Variants in PRAG1 observed in about 807,000 individuals in gnomAD.
PRAG1 encodes PEAK1 related, kinase-activating pseudokinase 1.
PRAG1 carries 110 observed loss-of-function variants against 95.6 expected under a neutral mutation model. The observed-to-expected ratio is 1.15, with a 90% CI of 0.99 to 1.35. The LOEUF is 1.35. Ranked by LOEUF, PRAG1 falls within the 40% of genes most tolerant of loss-of-function variation. The pLI is 0.00. For missense variants in PRAG1, 2,554 were observed against 1,864.7 expected (o/e 1.37, Z -6.81); for synonymous variants, 1,052 against 819.4 (o/e 1.28, Z -4.85).
At chr8:8,351,140 C>T (rs551743151) in intron 3 of PRAG1, among the ~76,000 whole-genome samples, 9 of 152,148 alleles carry the variant, frequency 5.9e-5, no homozygotes, top group South Asian at 2.1e-4. Flanking sequence ...AAGATGTTGG[C>T]GTATGGTGGG....
At chr8:8,372,703 G>C (rs1800250129) in intron 3 of PRAG1, among the ~76,000 whole-genome samples, 1 of 152,186 alleles carries the variant, frequency 6.6e-6, no homozygotes, top group Non-Finnish European at 1.5e-5. Flanking sequence ...GTTTACAGAG[G>C]ACAATATCTC....
rs752826886 is a variant in PRAG1 at position 8,376,710 on chromosome 8, C to G, written c.1699G>C (p.Val567Leu). The G allele has an allele frequency of 5.0e-6, 8 of 1,610,776 alleles. No homozygotes were observed. In the Admixed American group the frequency reaches 1.0e-4, roughly 20 times the overall value. Reference protein sequence around the residue: ...PVSPSAGGPPVSPLADLSDGS... With the variant: ...PVSPSAGGPPLSPLADLSDGS... Reference sequence around the variant, plus strand: ...TCACTAAGGTCAGCCAGCGGTGACACTGGGGGCCCTCCAGCAGACGGTGAC... The same window carrying G: ...TCACTAAGGTCAGCCAGCGGTGACAGTGGGGGCCCTCCAGCAGACGGTGAC... Residue 567 changes from valine to leucine, a missense_variant, in exon 3 of 6, where the codon GTG becomes CTG. Physicochemically the swap from Val to Leu is conservative, Grantham distance 32. Coordinates refer to ENST00000615670, the MANE Select transcript of PRAG1 (RefSeq NM_001080826.3).
rs200047944 is a variant in PRAG1, at chr8:8,328,226, C to T, written c.2556G>A (p.Ser852=). ...TASPKLNLSH[S]ETNVHDESHF... ...GAGATTCGTCGTGGACGTTGGTTTCCGAGTGGCTTAGGTTCAGCTTGGGGC... is the reference window on the plus strand; with the variant it reads ...GAGATTCGTCGTGGACGTTGGTTTCTGAGTGGCTTAGGTTCAGCTTGGGGC... The change falls in exon 5 of 6, where the codon TCG becomes TCA. Residue 852 remains serine, a synonymous_variant. Transcript: ENST00000615670. The T allele has an allele frequency of 2.6e-4, 418 of 1,614,168 alleles. 1 individual carries two copies. In the African/African-American group the frequency reaches 4.3e-3, roughly 17 times the overall value.
At chr8:8,381,365 G>C in intron 2 of PRAG1, 53 bp downstream of exon 2, 1 of 1,534,270 alleles carries the variant, frequency 6.5e-7, no homozygotes, top group Non-Finnish European at 8.9e-7. Flanking sequence ...GTCACCAAGT[G>C]TTCAAACAGG....
rs1426872874 is a variant in PRAG1, at chr8:8,332,142, G to A, written c.2321-3681C>T. On this transcript the variant is annotated intron_variant, in intron 4 of 5. Coordinates refer to ENST00000615670, the MANE Select transcript of PRAG1 (RefSeq NM_001080826.3). ...ATGTGGACTTCACAGGGATACCTGG[G>A]CATTATCTACACATATTACGATTTT... Among the ~76,000 whole-genome samples, 6 of 150,384 alleles carry A rather than the reference G, an allele frequency of 4.0e-5. 1 individual carries two copies. The highest frequency in any genetic ancestry group is 1.5e-4 in the African/African-American group (6 of 40,582).
Position 8,376,623 on chromosome 8 carries a change from C to G in PRAG1, c.1786G>C (p.Ala596Pro), listed in dbSNP as rs762359449. The change falls in exon 3 of 6, where the codon GCT becomes CCT. Residue 596 changes from alanine (A) to proline (P), a missense_variant. Ala to Pro is a conservative substitution (Grantham distance 27). Coordinates refer to ENST00000615670, the MANE Select transcript of PRAG1 (RefSeq NM_001080826.3). ...ACACCGTTGGTCCGGCAGGAAGGAG[C>G]GGGGTCAGCAGGACCTTGGGATGGA... ...QPPSQGPADP[A>P]PSCRTNGVAI... The G allele has an allele frequency of 6.2e-7, 1 of 1,603,520 alleles. No homozygotes were observed. The highest frequency in any genetic ancestry group is 1.1e-5 in the South Asian group (1 of 89,384).
chr8:8,368,441 T>C (rs56956830), intron 3 of PRAG1, among the ~76,000 whole-genome samples: 3,439 of 152,268 alleles, frequency 0.023, 136 homozygotes, highest in African/African-American at 0.077. Context: ...TAATGAGCAA[T>C]GCAAGCACAG....
chr8:8,329,263 C>G (rs983828780), intron 4 of PRAG1, among the ~76,000 whole-genome samples: 2 of 151,868 alleles, frequency 1.3e-5, no homozygotes, highest in East Asian at 3.9e-4. Context: ...GGTGGTGGTG[C>G]GTGCCTATAA....
chr8:8,377,746 A>G lies in PRAG1; in HGVS notation c.663T>C (p.Cys221=). Residue 221 remains cysteine, a synonymous_variant, in exon 3 of 6, where the codon TGT becomes TGC. Coordinates refer to ENST00000615670, the MANE Select transcript of PRAG1 (RefSeq NM_001080826.3). ...CCCGCAGGGGCCCAGGGCCCTGGTG[A>G]CAGCCAGATGTGGTCCCAGCAAAGG... ...LAAFAGTTSG[C]HQGPGPLRES... is the part of the protein sequence containing the mutation. 6.2e-7 allele frequency: 1 copy of G among 1,614,062 alleles called. No homozygotes were observed. The highest frequency in any genetic ancestry group is 8.5e-7 in the Non-Finnish European group (1 of 1,180,008).
Position 8,318,432 on chromosome 8 carries a change from G to C in PRAG1, c.3943C>G (p.Arg1315Gly). 1.2e-6 allele frequency: 2 copies of C among 1,612,720 alleles called. No individual in the cohort carries two copies. The highest frequency in any genetic ancestry group is 1.7e-6 in the Non-Finnish European group (2 of 1,179,810). Reference protein sequence around the residue: ...HLLLEADPIKRIRIGEAKRVL... With the variant: ...HLLLEADPIKGIRIGEAKRVL... Reference sequence around the variant, plus strand: ...CGCTTGGCCTCGCCGATGCGGATACGCTTGATGGGGTCGGCCTCCAGTAGC... The same window carrying C: ...CGCTTGGCCTCGCCGATGCGGATACCCTTGATGGGGTCGGCCTCCAGTAGC... The change falls in exon 6 of 6, where the codon CGT becomes GGT. Residue 1315 changes from arginine (R) to glycine (G), a missense_variant. Arg to Gly is a moderately radical substitution (Grantham distance 125, BLOSUM62 -2). Transcript: ENST00000615670. The surrounding 1 kb of genome is among the most constrained non-coding windows in gnomAD (Gnocchi z 4.2).
At chr8:8,361,594 T>C (rs1303773892) in intron 3 of PRAG1, among the ~76,000 whole-genome samples, 2 of 152,256 alleles carry the variant, frequency 1.3e-5, no homozygotes, top group African/African-American at 4.8e-5. Context: ...GCCACCAGCA[T>C]AGAGCATAAT....
intron 3 of PRAG1, among the ~76,000 whole-genome samples, chr8:8,349,954 CACACACAT>C (rs1341087860): frequency 9.9e-5 from 15 of 151,410 alleles, no homozygotes; most frequent in African/African-American, 3.2e-4. Flanking sequence ...CACACACACA[CACACACAT>C]ACCACACAAA....
At chr8:8,365,601 G>A (rs1799975353) in intron 3 of PRAG1, among the ~76,000 whole-genome samples, 1 of 151,762 alleles carries the variant, frequency 6.6e-6, no homozygotes. Flanking sequence ...TCCAGCCTGG[G>A]CAACAACAGT....
Position 8,377,696 on chromosome 8 carries a change from C to T in PRAG1, c.713G>A (p.Ser238Asn), listed in dbSNP as rs1800469275. Reference protein sequence around the residue: ...LRESLPSEDDSDQRCSPSGDS... With the variant: ...LRESLPSEDDNDQRCSPSGDS... ...CCCGGAGGGCGAGCACCTTTGATCA[C>T]TGTCATCCTCCGAGGGCAGGGATTC... Residue 238 changes from serine (S) to asparagine (N), a missense_variant, in exon 3 of 6, where the codon AGT becomes AAT. Coordinates refer to ENST00000615670, the MANE Select transcript of PRAG1 (RefSeq NM_001080826.3). 1.2e-6 allele frequency: 2 copies of T among 1,613,760 alleles called. No homozygotes were observed. Among genetic ancestry groups the T allele is most frequent in the African/African-American group, 1.3e-5 (1 of 74,916 alleles).
At chr8:8,339,230 C>T (rs1799089673) in intron 4 of PRAG1, among the ~76,000 whole-genome samples, 1 of 152,218 alleles carries the variant, frequency 6.6e-6, no homozygotes, top group African/African-American at 2.4e-5. Flanking sequence ...CTTTCAACCT[C>T]ATCTTCCTCC....
At chr8:8,373,639 G>C (rs62497496) in intron 3 of PRAG1, among the ~76,000 whole-genome samples, 6,529 of 152,072 alleles carry the variant, frequency 0.043, 195 homozygotes, top group Non-Finnish European at 0.066. Flanking sequence ...TTTTGGTGGA[G>C]ACTGGGTTTC....
chr8:8,369,337 G>A (rs1402689676), intron 3 of PRAG1, among the ~76,000 whole-genome samples: 2 of 152,180 alleles, frequency 1.3e-5, no homozygotes, highest in Non-Finnish European at 2.9e-5. Context: ...TTTCGGAGGA[G>A]ATGCAAACGT....
At chr8:8,384,608 C>CAAAA (rs11400182) in intron 1 of PRAG1, among the ~76,000 whole-genome samples, 5 of 92,460 alleles carry the variant, frequency 5.4e-5, no homozygotes, top group African/African-American at 1.3e-4. Context: ...CGCATGCAGC[C>CAAAA]AAAAAAAAAA....
chr8:8,328,571 T>C (rs1798723625), intron 4 of PRAG1, 110 bp from the exon 5 acceptor site: 1 of 1,191,886 alleles, frequency 8.4e-7, no homozygotes, highest in African/African-American at 1.5e-5. Context: ...GAGCAATTAA[T>C]TTTATGTTAC....
Sources: gnomAD v4.1 joint callset for allele counts (sites outside exome capture counted in the v4.1 genomes callset) on GRCh38, gnomAD v4.1.1 for gene constraint, Gnocchi (gnomAD v3.1) non-coding constraint, MANE v1.5 for transcripts, NCBI Gene and HGNC (gene_info 2026-07-23, HGNC 2026-07-21) for gene names.